TRERF1: variants seen among roughly 807,000 people sequenced by gnomAD.
The protein encoded by TRERF1 is transcriptional-regulating factor 1.
Under a neutral mutation model 122.9 loss-of-function variants are expected in TRERF1, and 27 were observed. The observed-to-expected ratio is 0.22, with a 90% CI of 0.16 to 0.30. The LOEUF (loss-of-function observed/expected upper bound fraction) is 0.30, where lower values mean the gene tolerates loss of function less well. TRERF1 is among the 10% of genes least tolerant of loss of function. TRERF1 has a pLI of 1.00. For synonymous variants in TRERF1, 636 were observed against 641.7 expected, an observed-to-expected ratio of 0.99 and a Z score of 0.13; for missense variants, 1,248 against 1,560.3, an observed-to-expected ratio of 0.80 and a Z score of 3.37.
At chr6:42,336,128 C>T (rs757575693) in intron 3 of TRERF1, among the ~76,000 whole-genome samples, 3 of 152,172 alleles carry the variant, frequency 2.0e-5, no homozygotes, top group Non-Finnish European at 4.4e-5. Flanking sequence ...CCACGAAGGC[C>T]TGTTTTGTGC....
At chr6:42,331,838 C>A (rs1328662933) in intron 3 of TRERF1, among the ~76,000 whole-genome samples, 1 of 152,230 alleles carries the variant, frequency 6.6e-6, no homozygotes, top group African/African-American at 2.4e-5. Flanking sequence ...GCTGGCCCTT[C>A]CACCCCCAGC....
At chr6:42,383,471 A>G (rs1027294516) in intron 2 of TRERF1, among the ~76,000 whole-genome samples, 1 of 151,672 alleles carries the variant, frequency 6.6e-6, no homozygotes, top group Non-Finnish European at 1.5e-5. Context: ...ATTTGTGTCC[A>G]TCTCCCCACC....
chr6:42,427,894 C>T (rs1249977792), intron 2 of TRERF1, among the ~76,000 whole-genome samples: 3 of 152,052 alleles, frequency 2.0e-5, no homozygotes, highest in Non-Finnish European at 2.9e-5. Context: ...CTCTTGACAC[C>T]ATCATTAGGA....
At chr6:42,425,822 C>T (rs996885054) in intron 2 of TRERF1, among the ~76,000 whole-genome samples, 1 of 151,930 alleles carries the variant, frequency 6.6e-6, no homozygotes, top group African/African-American at 2.4e-5. Flanking sequence ...GGATTACAGG[C>T]GTGAGCCAGT....
Position 42,249,951 on chromosome 6 carries a change from T to G in TRERF1, c.2657-3407A>C, listed in dbSNP as rs550266105. Among the ~76,000 whole-genome samples the G allele has an allele frequency of 5.0e-4, 76 of 152,302 alleles. 1 individual carries two copies. The highest frequency in any genetic ancestry group is 1.8e-3 in the African/African-American group (76 of 41,558). On this transcript the variant is annotated intron_variant, in intron 13 of 17. Transcript: ENST00000372922. The stretch of plus-strand genomic sequence containing the variant: ...CCATCCCTGGGCTCTTGGATTGAAT[T>G]CCCAGGCTAAAGCCTTGGACAGATA...
At chr6:42,388,358 T>G (rs1777163833) in intron 2 of TRERF1, among the ~76,000 whole-genome samples, 1 of 152,088 alleles carries the variant, frequency 6.6e-6, no homozygotes, top group African/African-American at 2.4e-5. Context: ...GTGCCCAACC[T>G]TCAAAACCAG....
At chr6:42,390,048 A>G (rs1169933000) in intron 2 of TRERF1, among the ~76,000 whole-genome samples, 2 of 152,178 alleles carry the variant, frequency 1.3e-5, no homozygotes, top group East Asian at 3.9e-4. Context: ...GAAACTAATT[A>G]TTGAATCGCC....
rs545612508 is a variant in TRERF1 at position 42,345,453 on chromosome 6, C to T, written c.-371+17544G>A. On this transcript the variant is annotated intron_variant, in intron 3 of 17. Coordinates refer to ENST00000372922, the Ensembl canonical transcript of TRERF1. ...TGCAGCTTCTTCACTCACAGACCGG[C>T]AATGCTGAGAGAAATAACAGAATGA... Among the ~76,000 whole-genome samples, 5 of 152,256 alleles carry T rather than the reference C, an allele frequency of 3.3e-5. No homozygotes were observed. The South Asian group carries it at 1.0e-3, about 32-fold the overall frequency.
At chr6:42,436,513 T>G (rs1785393119) in intron 2 of TRERF1, among the ~76,000 whole-genome samples, 1 of 152,116 alleles carries the variant, frequency 6.6e-6, no homozygotes, top group Non-Finnish European at 1.5e-5. Flanking sequence ...ACTTACTATC[T>G]GCTAGGCACA....
Position 42,354,802 on chromosome 6 carries a change from T to C in TRERF1, c.-371+8195A>G, listed in dbSNP as rs182911564. Among the ~76,000 whole-genome samples the C allele has an allele frequency of 9.6e-4, 146 of 152,300 alleles. 1 individual carries two copies. The highest frequency in any genetic ancestry group is 1.4e-3 in the East Asian group (7 of 5,184). On this transcript the variant is annotated intron_variant, in intron 3 of 17. Transcript: ENST00000372922. ...TAGTGCTATATATTTTAATATCCAA[T>C]AGATCTAACTCCCTTTCCCCAAAAC...
intron 9 of TRERF1, among the ~76,000 whole-genome samples, chr6:42,258,765 A>G (rs7755205): frequency 0.13 from 19,536 of 149,606 alleles, 1,700 homozygotes; most frequent in African/African-American, 0.24. Flanking sequence ...ACGGAGTTTC[A>G]CTCTCATCCC....
intron 3 of TRERF1, among the ~76,000 whole-genome samples, chr6:42,346,465 T>C (rs1483554121): frequency 1.3e-5 from 2 of 152,166 alleles, no homozygotes; most frequent in Non-Finnish European, 2.9e-5. Flanking sequence ...AAGAGAAGCA[T>C]GTGCATCTAT....
chr6:42,373,696 T>G (rs1328508831), intron 2 of TRERF1, among the ~76,000 whole-genome samples: 1 of 151,516 alleles, frequency 6.6e-6, no homozygotes, highest in Non-Finnish European at 1.5e-5. Flanking sequence ...CCAGGCGTGG[T>G]GGCACATGCC....
At chr6:42,262,218 T>C (rs1778029711) in intron 8 of TRERF1, among the ~76,000 whole-genome samples, 1 of 152,098 alleles carries the variant, frequency 6.6e-6, no homozygotes, top group African/African-American at 2.4e-5. Flanking sequence ...TCTCTTCTTT[T>C]GAGGACTTGA....
At chr6:42,319,606 G>A (rs1763053837) in intron 3 of TRERF1, among the ~76,000 whole-genome samples, 1 of 152,090 alleles carries the variant, frequency 6.6e-6, no homozygotes, top group African/African-American at 2.4e-5. Context: ...AGGATCACTT[G>A]AGCCCAGGAG....
chr6:42,289,367 A>C (rs375399504), intron 4 of TRERF1, among the ~76,000 whole-genome samples: 21 of 151,916 alleles, frequency 1.4e-4, no homozygotes, highest in Middle Eastern at 3.4e-3. Context: ...ACAAAAAAAA[A>C]CACAACCCAG....
intron 15 of TRERF1, among the ~76,000 whole-genome samples, chr6:42,240,077 C>A (rs2149566564): frequency 6.6e-6 from 1 of 152,258 alleles, no homozygotes; most frequent in East Asian, 1.9e-4. Flanking sequence ...TCTTCGAAGC[C>A]CAGGCAGTCC....
At chr6:42,248,356 T>C (rs1030374727) in intron 13 of TRERF1, among the ~76,000 whole-genome samples, 6 of 146,444 alleles carry the variant, frequency 4.1e-5, no homozygotes, top group Admixed American at 4.0e-4. Flanking sequence ...CTTATCTTTT[T>C]CTTTTTTTTT....
chr6:42,331,628 GC>G (rs1454821152), intron 3 of TRERF1, among the ~76,000 whole-genome samples: 1 of 152,202 alleles, frequency 6.6e-6, no homozygotes, highest in Non-Finnish European at 1.5e-5. Context: ...AGATCCCTAA[GC>G]GGGGAAGAGG....
Sources: gnomAD v4.1 joint callset for allele counts (sites outside exome capture counted in the v4.1 genomes callset) on GRCh38, gnomAD v4.1.1 for gene constraint, MANE v1.5 for transcripts, NCBI Gene and HGNC (gene_info 2026-07-23, HGNC 2026-07-21) for gene names.